Variants in PCSK5 observed in about 807,000 individuals in gnomAD.
PCSK5 encodes prohormone convertase 5.
Under a neutral mutation model 233.2 loss-of-function variants are expected in PCSK5, and 129 were observed. The ratio of observed to expected loss-of-function variants is 0.55; its 90% CI spans 0.48 to 0.64. The LOEUF is 0.64. Among genes scored for constraint, PCSK5 ranks in the 30% least tolerant of loss-of-function variants. The pLI is 0.00. For missense variants in PCSK5, 2,076 were observed against 2,430.1 expected (o/e 0.85, Z 3.06); for synonymous variants, 825 against 879.2 (o/e 0.94, Z 1.09).
chr9:76,208,719 A>G (rs7854188), intron 20 of PCSK5, among the ~76,000 whole-genome samples: 54,287 of 152,092 alleles, frequency 0.36, 9,824 homozygotes, highest in South Asian at 0.42. Context: ...AGAATGTTCA[A>G]AAGGTAAATT....
intron 4 of PCSK5, among the ~76,000 whole-genome samples, chr9:76,024,798 G>GA (rs1281245672): frequency 2.0e-5 from 3 of 152,222 alleles, no homozygotes; most frequent in African/African-American, 7.2e-5. Flanking sequence ...GTGGGTAAGA[G>GA]AGAAAGCACG....
chr9:76,048,450 C>T (rs1829501373), intron 5 of PCSK5, among the ~76,000 whole-genome samples: 1 of 152,174 alleles, frequency 6.6e-6, no homozygotes, highest in Non-Finnish European at 1.5e-5. Flanking sequence ...GGAAAGATCT[C>T]AAATCATCAT....
chr9:75,923,937 T>A (rs1823363717), intron 1 of PCSK5, among the ~76,000 whole-genome samples: 1 of 152,188 alleles, frequency 6.6e-6, no homozygotes, highest in South Asian at 2.1e-4. Flanking sequence ...TCTTTCTGAC[T>A]TCTCCTTTGG....
intron 1 of PCSK5, among the ~76,000 whole-genome samples, chr9:75,925,316 G>A (rs1823436845): frequency 1.3e-5 from 2 of 152,188 alleles, no homozygotes; most frequent in African/African-American, 2.4e-5. Context: ...ATAAAAGAAT[G>A]AGCAGGAAAC....
At chr9:76,134,928 A>G (rs1183865369) in intron 10 of PCSK5, among the ~76,000 whole-genome samples, 1 of 152,096 alleles carries the variant, frequency 6.6e-6, no homozygotes, top group Non-Finnish European at 1.5e-5. Context: ...ATATCTACTC[A>G]AGTTGTAAGT....
At chr9:75,945,263 C>T (rs1239518079) in intron 2 of PCSK5, among the ~76,000 whole-genome samples, 1 of 151,916 alleles carries the variant, frequency 6.6e-6, no homozygotes, top group Admixed American at 6.6e-5. Flanking sequence ...CCATGGTCCC[C>T]AAGCCTTTTC....
chr9:76,266,322 T>C (rs1827331198), intron 24 of PCSK5, among the ~76,000 whole-genome samples: 1 of 152,176 alleles, frequency 6.6e-6, no homozygotes, highest in African/African-American at 2.4e-5. Flanking sequence ...AAACAGTCCA[T>C]TGTAAAAAAT....
chr9:76,238,060 A>G (rs1318920547), intron 22 of PCSK5, among the ~76,000 whole-genome samples: 2 of 152,174 alleles, frequency 1.3e-5, no homozygotes, highest in Non-Finnish European at 2.9e-5. Context: ...TATTCTGAGT[A>G]ACACAGATCA....
intron 5 of PCSK5, among the ~76,000 whole-genome samples, chr9:76,067,135 C>G (rs1251487274): frequency 6.6e-6 from 1 of 152,210 alleles, no homozygotes; most frequent in African/African-American, 2.4e-5. Flanking sequence ...GTACTTTATA[C>G]TGAAAACTTC....
chr9:76,121,949 A>G (rs1200287690), intron 9 of PCSK5, among the ~76,000 whole-genome samples: 2 of 100,790 alleles, frequency 2.0e-5, no homozygotes, highest in East Asian at 2.8e-4. Flanking sequence ...TCAGCCTCCC[A>G]AGTAGCAGGG....
At chr9:75,978,111 T>G (rs1277463342) in intron 2 of PCSK5, among the ~76,000 whole-genome samples, 1 of 152,206 alleles carries the variant, frequency 6.6e-6, no homozygotes, top group African/African-American at 2.4e-5. Flanking sequence ...TAAGCCTAAA[T>G]TTTTGGCTCC....
intron 3 of PCSK5, among the ~76,000 whole-genome samples, chr9:76,019,125 T>C (rs1488512041): frequency 1.3e-5 from 2 of 152,210 alleles, no homozygotes; most frequent in African/African-American, 2.4e-5. Context: ...TAAAAGCAAA[T>C]GACCAAAGTA....
chr9:76,122,707 A>G (rs1243624012), intron 9 of PCSK5, among the ~76,000 whole-genome samples: 1 of 152,122 alleles, frequency 6.6e-6, no homozygotes, highest in Non-Finnish European at 1.5e-5. Context: ...ATATATTTCA[A>G]TATTATTAAA....
intron 2 of PCSK5, 98 bp from the exon 3 acceptor site, chr9:75,986,034 A>G (rs1826498578): frequency 1.4e-6 from 1 of 721,774 alleles, no homozygotes; most frequent in East Asian, 2.5e-5. Flanking sequence ...TTGTGACTTA[A>G]ATAGCCTTGA....
chr9:76,334,083 C>T (rs1007638189), intron 34 of PCSK5, among the ~76,000 whole-genome samples: 5 of 152,150 alleles, frequency 3.3e-5, no homozygotes, highest in South Asian at 2.1e-4. Context: ...ATGTGGATAG[C>T]GGCAGGCAAA....
chr9:75,919,550 C>T (rs1274355611), intron 1 of PCSK5, among the ~76,000 whole-genome samples: 1 of 152,180 alleles, frequency 6.6e-6, no homozygotes, highest in Non-Finnish European at 1.5e-5. Context: ...GTATTCCCAA[C>T]AATGTATGAG....
At position 76,089,432 on chromosome 9, in the gene PCSK5, G is replaced by A. The variant is rs111582436; in HGVS notation, c.895-6458G>A. The stretch of plus-strand genomic sequence containing the variant: ...GGTCTCGACCTCTTGTCTCTACCAC[G>A]TCCTAGTTATATGATACTGGGCCTA... On this transcript the variant is annotated intron_variant, in intron 7 of 37. Transcript: ENST00000674117. Among the ~76,000 whole-genome samples, 14 of 152,250 alleles carry A rather than the reference G, an allele frequency of 9.2e-5. No individual in the cohort carries two copies. In the East Asian group the frequency reaches 1.5e-3, roughly 17 times the overall value.
chr9:76,028,347 G>C lies in PCSK5; in HGVS notation c.632+1310G>C, dbSNP rs538892325. Among the ~76,000 whole-genome samples the C allele has an allele frequency of 9.8e-5, 15 of 152,322 alleles. No individual in the cohort carries two copies. In the East Asian group the frequency reaches 1.2e-3, roughly 12 times the overall value. On this transcript the variant is annotated intron_variant, in intron 5 of 37. Coordinates refer to ENST00000674117, the MANE Select transcript of PCSK5 (RefSeq NM_001372043.1). ...AAGAGTAATTCACACAGATCTGCCTGTGCTGGAGACCAGAGTTTTATTATT... is the reference window on the plus strand; with the variant it reads ...AAGAGTAATTCACACAGATCTGCCTCTGCTGGAGACCAGAGTTTTATTATT...
At chr9:76,327,255 C>T (rs1007244490) in intron 32 of PCSK5, among the ~76,000 whole-genome samples, 3 of 151,940 alleles carry the variant, frequency 2.0e-5, no homozygotes, top group African/African-American at 7.3e-5. Flanking sequence ...TACAGGCACC[C>T]GCCACCATGC....
Sources: gnomAD v4.1 joint callset for allele counts (sites outside exome capture counted in the v4.1 genomes callset) on GRCh38, gnomAD v4.1.1 for gene constraint, MANE v1.5 for transcripts, NCBI Gene and HGNC (gene_info 2026-07-23, HGNC 2026-07-21) for gene names.